The following AGBL4 variants were observed in gnomAD, a reference collection of about 807,000 sequenced individuals.
AGBL4 encodes the protein AGBL carboxypeptidase 4.
In AGBL4, 58 loss-of-function variants were observed where a neutral mutation model predicts 66.4. That is an observed-to-expected ratio of 0.87 (90% confidence interval 0.71 to 1.09). The LOEUF is 1.09. Among genes scored for constraint, AGBL4 ranks in the 50% least tolerant of loss-of-function variants. The pLI is 0.00. For missense variants in AGBL4, 579 were observed against 631.0 expected (o/e 0.92, Z 0.88); for synonymous variants, 234 against 222.9 (o/e 1.05, Z -0.44).
chr1:49,240,569 T>C (rs1412300943), intron 4 of AGBL4, among the ~76,000 whole-genome samples: 1 of 109,678 alleles, frequency 9.1e-6, no homozygotes, highest in East Asian at 2.5e-4. Context: ...TTTTTTTTTT[T>C]CCTATCTCTG....
intron 1 of AGBL4, among the ~76,000 whole-genome samples, chr1:49,945,317 A>G (rs1181675145): frequency 1.3e-5 from 2 of 152,100 alleles, no homozygotes; most frequent in Non-Finnish European, 2.9e-5. Context: ...TGTGAGGCAA[A>G]AGCACCAGGT....
At chr1:49,963,621 G>C (rs985780800) in intron 1 of AGBL4, among the ~76,000 whole-genome samples, 1 of 152,098 alleles carries the variant, frequency 6.6e-6, no homozygotes, top group Non-Finnish European at 1.5e-5. Context: ...TATATACTTT[G>C]CTGCCTGAGA....
At chr1:48,548,499 T>C (rs553911349) in intron 11 of AGBL4, among the ~76,000 whole-genome samples, 1 of 152,346 alleles carries the variant, frequency 6.6e-6, no homozygotes, top group African/African-American at 2.4e-5. Flanking sequence ...TGGTAATGGC[T>C]GTTTTCTGTC....
At chr1:48,752,188 G>A (rs893018266) in intron 6 of AGBL4, among the ~76,000 whole-genome samples, 1 of 152,080 alleles carries the variant, frequency 6.6e-6, no homozygotes, top group Non-Finnish European at 1.5e-5. Flanking sequence ...CACCCGCTTT[G>A]GGCCTTTCTC....
rs999301282 is a variant in AGBL4, at chr1:49,087,677, C to T, written c.378-41877G>A. ...GGAAAACATATTTGAGGATATCACT[C>T]ACAAAAATTTCCCTAACCTCACTAG... On this transcript the variant is annotated intron_variant, in intron 4 of 13. Transcript: ENST00000371839. Among the ~76,000 whole-genome samples, 7 of 152,144 alleles carry T rather than the reference C, an allele frequency of 4.6e-5. No homozygotes were observed. In the East Asian group the frequency reaches 1.3e-3, roughly 29 times the overall value.
intron 1 of AGBL4, among the ~76,000 whole-genome samples, chr1:49,882,825 G>T (rs1159491803): frequency 6.6e-6 from 1 of 152,098 alleles, no homozygotes; most frequent in Non-Finnish European, 1.5e-5. Context: ...TTAGAAATTT[G>T]TTGAGGCATT....
chr1:49,546,552 T>A (rs2148830914), intron 3 of AGBL4, among the ~76,000 whole-genome samples: 1 of 152,256 alleles, frequency 6.6e-6, no homozygotes, highest in East Asian at 1.9e-4. Flanking sequence ...CTGAATGAAA[T>A]GCTAGTACTA....
At chr1:48,724,087 G>A (rs1402480975) in intron 6 of AGBL4, among the ~76,000 whole-genome samples, 1 of 152,208 alleles carries the variant, frequency 6.6e-6, no homozygotes, top group African/African-American at 2.4e-5. Flanking sequence ...GGGGTCAGCA[G>A]GTTAGGAGGA....
At chr1:49,485,123 T>G (rs968510877) in intron 3 of AGBL4, among the ~76,000 whole-genome samples, 11 of 151,790 alleles carry the variant, frequency 7.2e-5, no homozygotes, top group African/African-American at 2.7e-4. Flanking sequence ...ACCCAAAGGA[T>G]TATAAATCAT....
At chr1:49,231,559 G>A (rs2148297493) in intron 4 of AGBL4, among the ~76,000 whole-genome samples, 1 of 152,346 alleles carries the variant, frequency 6.6e-6, no homozygotes, top group East Asian at 1.9e-4. Flanking sequence ...GGGAGATGCA[G>A]AAAGTGCAGT....
intron 3 of AGBL4, among the ~76,000 whole-genome samples, chr1:49,275,439 T>G (rs560814634): frequency 1.3e-5 from 2 of 152,268 alleles, no homozygotes; most frequent in East Asian, 3.9e-4. Flanking sequence ...AATCTGAGAT[T>G]CCTTATTAAA....
chr1:48,752,657 G>A (rs551437845), intron 6 of AGBL4, among the ~76,000 whole-genome samples: 3 of 152,308 alleles, frequency 2.0e-5, no homozygotes, highest in South Asian at 2.1e-4. Flanking sequence ...ATTTTCTCAT[G>A]CACATCTTCA....
chr1:49,927,891 T>C (rs904702434), intron 1 of AGBL4, among the ~76,000 whole-genome samples: 1 of 152,138 alleles, frequency 6.6e-6, no homozygotes, highest in East Asian at 1.9e-4. Context: ...CAGTTAAAAC[T>C]GACCCAGAAT....
chr1:48,556,059 C>T (rs1412929363), intron 11 of AGBL4, among the ~76,000 whole-genome samples: 2 of 152,044 alleles, frequency 1.3e-5, no homozygotes, highest in African/African-American at 2.4e-5. Context: ...TTTGCTATAC[C>T]GATGTGCCAA....
chr1:49,325,600 G>A (rs1255897739), intron 3 of AGBL4, among the ~76,000 whole-genome samples: 1 of 152,108 alleles, frequency 6.6e-6, no homozygotes, highest in Non-Finnish European at 1.5e-5. Flanking sequence ...ATTTATGAAG[G>A]ACATTTAATA....
At chr1:49,850,994 T>C (rs945612597) in intron 2 of AGBL4, among the ~76,000 whole-genome samples, 2 of 152,118 alleles carry the variant, frequency 1.3e-5, no homozygotes, top group Non-Finnish European at 2.9e-5. Context: ...GCTATCTAAT[T>C]GTTTTATAGG....
intron 6 of AGBL4, among the ~76,000 whole-genome samples, chr1:48,806,730 A>C (rs1645932326): frequency 6.6e-6 from 1 of 152,190 alleles, no homozygotes; most frequent in East Asian, 1.9e-4. Context: ...TTCCTTTGCC[A>C]TTTGGTAAGA....
intron 1 of AGBL4, among the ~76,000 whole-genome samples, chr1:49,941,929 G>A (rs1034682547): frequency 2.0e-5 from 3 of 152,020 alleles, no homozygotes; most frequent in Non-Finnish European, 4.4e-5. Context: ...AAAATGGAAT[G>A]TAAGTAAAAT....
intron 2 of AGBL4, among the ~76,000 whole-genome samples, chr1:49,770,354 T>C (rs1347527427): frequency 6.6e-6 from 1 of 152,228 alleles, no homozygotes; most frequent in Non-Finnish European, 1.5e-5. Flanking sequence ...AACCATCTTG[T>C]ATCCCAGGGA....
Sources: allele counts gnomAD v4.1 joint callset (sites outside exome capture counted in the v4.1 genomes callset), GRCh38; gene constraint gnomAD v4.1.1; transcripts MANE v1.5; gene names NCBI Gene and HGNC (gene_info 2026-07-23, HGNC 2026-07-21).